PKP4: variants seen among roughly 807,000 people sequenced by gnomAD.
PKP4 encodes plakophilin 4, also known as plakophilin-4.
A neutral mutation model predicts 145.1 loss-of-function variants in PKP4; 90 were observed. That is an observed-to-expected ratio of 0.62 (90% CI 0.52 to 0.74). The LOEUF is 0.74. Among genes scored for constraint, PKP4 ranks in the 30% least tolerant of loss-of-function variants. The pLI, the probability that PKP4 is intolerant of heterozygous loss-of-function variation, is 0.00. For missense variants in PKP4, 1,340 were observed against 1,482.7 expected (o/e 0.90, Z 1.58); for synonymous variants, 563 against 577.2 (o/e 0.98, Z 0.35).
chr2:158,501,892 A>G (rs1696638518), intron 1 of PKP4, among the ~76,000 whole-genome samples: 1 of 152,148 alleles, frequency 6.6e-6, no homozygotes, highest in East Asian at 1.9e-4. Context: ...AGTCCTTGGT[A>G]TCATTAAGTT....
chr2:158,502,693 C>T (rs1279484567), intron 1 of PKP4, among the ~76,000 whole-genome samples: 1 of 152,160 alleles, frequency 6.6e-6, no homozygotes, highest in African/African-American at 2.4e-5. Flanking sequence ...TAGGGAACTG[C>T]CCAATTGCAA....
intron 1 of PKP4, among the ~76,000 whole-genome samples, chr2:158,468,693 A>G (rs1691043924): frequency 6.6e-6 from 1 of 151,994 alleles, no homozygotes; most frequent in Non-Finnish European, 1.5e-5. Flanking sequence ...GCCAGTAAGC[A>G]TACCTGATAC....
chr2:158,657,191 T>G (rs530435068), intron 11 of PKP4, among the ~76,000 whole-genome samples: 1 of 152,266 alleles, frequency 6.6e-6, no homozygotes, highest in Non-Finnish European at 1.5e-5. Flanking sequence ...CCTACTTTCC[T>G]CTTACTCAGG....
At chr2:158,657,481 T>A (rs916388998) in intron 11 of PKP4, among the ~76,000 whole-genome samples, 2 of 152,220 alleles carry the variant, frequency 1.3e-5, no homozygotes, top group Non-Finnish European at 2.9e-5. Context: ...GTAACGTGTG[T>A]TTCTAAAGCA....
At chr2:158,535,810 G>T (rs543735421) in intron 2 of PKP4, among the ~76,000 whole-genome samples, 7 of 152,262 alleles carry the variant, frequency 4.6e-5, no homozygotes, top group African/African-American at 1.7e-4. Flanking sequence ...CTTAGTGGCA[G>T]CTGTGTCTTA....
chr2:158,672,318 C>A (rs148726307), intron 17 of PKP4, among the ~76,000 whole-genome samples: 1 of 152,334 alleles, frequency 6.6e-6, no homozygotes, highest in African/African-American at 2.4e-5. Flanking sequence ...AGCAAAGAAT[C>A]TTCCTTGCTT....
At chr2:158,460,198 T>C (rs796594998) in intron 1 of PKP4, among the ~76,000 whole-genome samples, 38 of 152,224 alleles carry the variant, frequency 2.5e-4, no homozygotes, top group African/African-American at 9.1e-4. Context: ...GAAAGTAAAA[T>C]TATATACATT....
chr2:158,587,358 AATTAT>A (rs1265040986), intron 3 of PKP4, among the ~76,000 whole-genome samples: 1 of 152,096 alleles, frequency 6.6e-6, no homozygotes, highest in African/African-American at 2.4e-5. Flanking sequence ...TGCTTTCTGT[AATTAT>A]ATTATTAAAT....
At chr2:158,470,834 A>T (rs923501309) in intron 1 of PKP4, among the ~76,000 whole-genome samples, 2 of 152,136 alleles carry the variant, frequency 1.3e-5, no homozygotes, top group African/African-American at 4.8e-5. Flanking sequence ...GCTAATTTTA[A>T]AAAGATTGGC....
intron 1 of PKP4, among the ~76,000 whole-genome samples, chr2:158,500,398 T>C (rs1696376452): frequency 6.6e-6 from 1 of 152,200 alleles, no homozygotes; most frequent in Non-Finnish European, 1.5e-5. Flanking sequence ...TTCATAAACA[T>C]GTATAATAGC....
At chr2:158,641,463 G>T (rs936893484) in intron 10 of PKP4, among the ~76,000 whole-genome samples, 1 of 151,650 alleles carries the variant, frequency 6.6e-6, no homozygotes, top group Non-Finnish European at 1.5e-5. Flanking sequence ...CATCACTAAG[G>T]CTGAACATAC....
chr2:158,536,962 A>G (rs2044102014), intron 2 of PKP4, among the ~76,000 whole-genome samples: 1 of 152,140 alleles, frequency 6.6e-6, no homozygotes, highest in South Asian at 2.1e-4. Context: ...GCCGTGTTTT[A>G]GGCCTTGTTT....
rs957421523 is a variant in PKP4, at chr2:158,473,213, G to A, written c.-6+15995G>A. On this transcript the variant is annotated intron_variant, in intron 1 of 21. Transcript: ENST00000389759. ...GAACACTTATATACGGTTGGTGAGA[G>A]TGTATGTTAGTTCAACCATTGTGGA... Among the ~76,000 whole-genome samples, 5 of 152,206 alleles carry A rather than the reference G, an allele frequency of 3.3e-5. No individual in the cohort carries two copies. The East Asian group carries it at 5.8e-4, about 18-fold the overall frequency.
At chr2:158,561,745 C>G (rs921344380) in intron 2 of PKP4, among the ~76,000 whole-genome samples, 2 of 152,148 alleles carry the variant, frequency 1.3e-5, no homozygotes, top group Admixed American at 6.5e-5. Flanking sequence ...CCCTCTTTCT[C>G]TCTACCCATC....
Position 158,631,614 on chromosome 2 carries a change from T to TTCGTGGGC in PKP4, c.1154-137_1154-136insGTGGGCTC, listed in dbSNP as rs2053367128. 3 of 738,476 alleles carry TTCGTGGGC rather than the reference T, an allele frequency of 4.1e-6. No homozygotes were observed. In the Admixed American group the frequency reaches 6.6e-5, roughly 16 times the overall value. The allele number at this position is 738,476 out of a possible 1,614,324, so 45.7% of individuals were successfully genotyped here. A position where few individuals can be genotyped will look rare whatever the true frequency, so the allele number is the denominator to read the frequency against. On this transcript the variant is annotated intron_variant, in intron 7 of 21. Coordinates refer to ENST00000389759, the MANE Select transcript of PKP4 (RefSeq NM_003628.6). ...ACTCTGTTCCCAGACTGGTCTCAAA[T>TTCGTGGGC]TCCTGGGCTCAAGCCATTCTCCCAC...
At chr2:158,631,282 G>C (rs760875658) in intron 7 of PKP4, among the ~76,000 whole-genome samples, 2 of 151,982 alleles carry the variant, frequency 1.3e-5, no homozygotes, top group Admixed American at 1.3e-4. Context: ...TACTTTTCAC[G>C]TGTGGCATTT....
At chr2:158,641,840 T>C (rs1447174396) in intron 10 of PKP4, among the ~76,000 whole-genome samples, 1 of 152,200 alleles carries the variant, frequency 6.6e-6, no homozygotes, top group Non-Finnish European at 1.5e-5. Flanking sequence ...CTTTGCTATG[T>C]TTGTGTATTT....
intron 7 of PKP4, among the ~76,000 whole-genome samples, chr2:158,630,723 T>G (rs931786767): frequency 6.6e-6 from 1 of 152,146 alleles, no homozygotes; most frequent in Admixed American, 6.5e-5. Context: ...GACTGGCAGG[T>G]CCGCAGGATA....
chr2:158,503,108 CAT>C (rs1365209461), intron 1 of PKP4, among the ~76,000 whole-genome samples: 1 of 152,170 alleles, frequency 6.6e-6, no homozygotes, highest in Non-Finnish European at 1.5e-5. Context: ...AGCCATAACA[CAT>C]GTGAAGGAAT....
Sources: gnomAD v4.1 joint callset for allele counts (sites outside exome capture counted in the v4.1 genomes callset) on GRCh38, gnomAD v4.1.1 for gene constraint, MANE v1.5 for transcripts, NCBI Gene and HGNC (gene_info 2026-07-23, HGNC 2026-07-21) for gene names.